The following ZNF124 variants were observed in gnomAD, a reference collection of about 807,000 sequenced individuals.
The protein encoded by ZNF124 is zinc finger protein 124.
In ZNF124, 25 loss-of-function variants were observed where a neutral mutation model predicts 26.6. That is an observed-to-expected ratio of 0.94 (90% CI 0.68 to 1.31). ZNF124 has a LOEUF of 1.31. Among genes scored for constraint, ZNF124 ranks in the 40% most tolerant of loss-of-function variants. The pLI is 0.00. For missense variants in ZNF124, 444 were observed against 422.2 expected, an observed-to-expected ratio of 1.05 and a Z score of -0.45; for synonymous variants, 129 against 133.3, an observed-to-expected ratio of 0.97 and a Z score of 0.22.
downstream of ZNF124, among the ~76,000 whole-genome samples, chr1:247,151,478 C>CAAAAAAA (rs565076160): frequency 4.1e-5 from 3 of 73,696 alleles, no homozygotes; most frequent in Non-Finnish European, 5.8e-5. Context: ...GACTCCGTCT[C>CAAAAAAA]AAAAAAAAAA....
chr1:247,168,617 C>T lies in ZNF124; in HGVS notation c.30+3231G>A, dbSNP rs1287087167. Among the ~76,000 whole-genome samples, 1 of 152,106 alleles carries T rather than the reference C, an allele frequency of 6.6e-6. No homozygotes were observed. Among genetic ancestry groups the T allele is most frequent in the Non-Finnish European group, 1.5e-5 (1 of 68,026 alleles). On this transcript the variant is annotated intron_variant, in intron 1 of 3. Coordinates refer to ENST00000543802, the MANE Select transcript of ZNF124 (RefSeq NM_001297568.2). The surrounding 1 kb of genome is among the most constrained non-coding windows in gnomAD (Gnocchi z 4.0). ...GCCACTGCAAAAATATGAAACAAAC[C>T]TAAAATGCCCATCAACCAATGAGGG... is the stretch of plus-strand genomic sequence containing the variant.
intron 3 of ZNF124, among the ~76,000 whole-genome samples, chr1:247,148,979 A>G (rs553683458): frequency 4.4e-4 from 65 of 148,718 alleles, no homozygotes; most frequent in Admixed American, 1.8e-3. Flanking sequence ...CAAAAAAAAG[A>G]AAAAAAAAAC....
At chr1:247,131,443 G>A (rs924548726) in intron 3 of ZNF124, among the ~76,000 whole-genome samples, 2 of 152,006 alleles carry the variant, frequency 1.3e-5, no homozygotes, top group Admixed American at 6.6e-5. Flanking sequence ...GGGGCAACCA[G>A]CACTGGCCGT....
At chr1:247,152,260 G>A (rs929376622), downstream of ZNF124, among the ~76,000 whole-genome samples, 11 of 150,662 alleles carry the variant, frequency 7.3e-5, no homozygotes, top group Admixed American at 2.6e-4. Flanking sequence ...CTGCGACAGT[G>A]TTTAAAAGTA....
intron 2 of ZNF124, 122 bp downstream of exon 2, chr1:247,159,565 G>T: frequency 1.0e-6 from 1 of 971,522 alleles, no homozygotes; most frequent in Non-Finnish European, 1.5e-6. Context: ...TGCACACTGG[G>T]TCCATGCCTC....
chr1:247,124,878 T>A (rs967571112), intron 3 of ZNF124, among the ~76,000 whole-genome samples: 6 of 152,104 alleles, frequency 3.9e-5, no homozygotes, highest in African/African-American at 1.4e-4. Flanking sequence ...GCTTACTGCA[T>A]CCTCGACCTC....
intron 3 of ZNF124, among the ~76,000 whole-genome samples, chr1:247,147,020 G>C (rs1558379051): frequency 6.6e-6 from 1 of 152,034 alleles, no homozygotes; most frequent in East Asian, 1.9e-4. Context: ...AATTTGGGGG[G>C]AGTTAGTAGG....
At chr1:247,124,717 G>A (rs1672166390) in intron 3 of ZNF124, among the ~76,000 whole-genome samples, 1 of 152,180 alleles carries the variant, frequency 6.6e-6, no homozygotes, top group African/African-American at 2.4e-5. Context: ...AATATGTGGG[G>A]TTTGTGTGTG....
chr1:247,169,830 T>C (rs3845056), intron 1 of ZNF124, among the ~76,000 whole-genome samples: 77,984 of 99,354 alleles, frequency 0.78, 29,740 homozygotes, highest in East Asian at 0.89. Context: ...ATCTAAGTCC[T>C]AGTGGATTAG....
At chr1:247,132,896 C>G (rs903447078) in intron 3 of ZNF124, among the ~76,000 whole-genome samples, 2 of 152,214 alleles carry the variant, frequency 1.3e-5, no homozygotes, top group Non-Finnish European at 2.9e-5. Context: ...GACGGAATTG[C>G]TCACTCAGGG....
chr1:247,168,717 G>A lies in ZNF124; in HGVS notation c.30+3131C>T, dbSNP rs1045018972. Among the ~76,000 whole-genome samples, 4 of 152,170 alleles carry A rather than the reference G, an allele frequency of 2.6e-5. No individual in the cohort carries two copies. The East Asian group carries it at 7.7e-4, about 29-fold the overall frequency. On this transcript the variant is annotated intron_variant, in intron 1 of 3. Transcript: ENST00000543802. This position sits in a 1 kb window ranked among gnomAD's most constrained non-coding sequence, Gnocchi z 4.0. Reference sequence around the variant, plus strand: ...TAATGGGCTTTGCAGCAACTTGGATGGAAATGGAGGCATTATTCTAAGTGA... The same window carrying A: ...TAATGGGCTTTGCAGCAACTTGGATAGAAATGGAGGCATTATTCTAAGTGA...
chr1:247,159,750 G>A lies in ZNF124; in HGVS notation c.94C>T (p.Pro32Ser). 6.2e-7 allele frequency: 1 copy of A among 1,613,680 alleles called. No individual in the cohort carries two copies. The highest frequency in any genetic ancestry group is 8.5e-7 in the Non-Finnish European group (1 of 1,179,868). Reference protein sequence around the residue: ...FTQEEWALLDPSQKNLYRDVM... With the variant: ...FTQEEWALLDSSQKNLYRDVM... ...TCTCTATAGAGATTCTTCTGGGAAG[G>A]ATCCAACAAAGCCCACTCCTCCTGG... Residue 32 changes from proline (P) to serine (S), a missense_variant, in exon 2 of 4, where the codon CCT becomes TCT. Coordinates refer to ENST00000543802, the MANE Select transcript of ZNF124 (RefSeq NM_001297568.2).
At chr1:247,144,295 TCTC>T (rs1396225755) in intron 3 of ZNF124, among the ~76,000 whole-genome samples, 3 of 152,048 alleles carry the variant, frequency 2.0e-5, no homozygotes, top group African/African-American at 7.2e-5. Context: ...CTCCCTACCT[TCTC>T]CTAGACATTT....
At chr1:247,154,395 A>T (rs957892882), downstream of ZNF124, among the ~76,000 whole-genome samples, 2 of 152,140 alleles carry the variant, frequency 1.3e-5, no homozygotes, top group African/African-American at 4.8e-5. Context: ...CCAGGACTGT[A>T]AGTTTCCTGA....
chr1:247,131,809 G>A (rs1374252972), intron 3 of ZNF124, among the ~76,000 whole-genome samples: 1 of 152,200 alleles, frequency 6.6e-6, no homozygotes, highest in Non-Finnish European at 1.5e-5. Context: ...GGGAGGGGTG[G>A]CCGCAGTCTC....
chr1:247,141,598 G>A (rs1421241148), intron 3 of ZNF124, among the ~76,000 whole-genome samples: 2 of 152,124 alleles, frequency 1.3e-5, no homozygotes, highest in African/African-American at 4.8e-5. Flanking sequence ...AATGGCAGAG[G>A]GGCTGTCATA....
intron 1 of ZNF124, among the ~76,000 whole-genome samples, chr1:247,161,171 A>T (rs1042238476): frequency 8.5e-5 from 13 of 152,362 alleles, no homozygotes; most frequent in African/African-American, 3.1e-4. Flanking sequence ...CCTAATACAC[A>T]TCAATGATTT....
Position 247,168,799 on chromosome 1 carries a change from A to C in ZNF124, c.30+3049T>G, listed in dbSNP as rs560360688. On this transcript the variant is annotated intron_variant, in intron 1 of 3. Coordinates refer to ENST00000543802, the MANE Select transcript of ZNF124 (RefSeq NM_001297568.2). This position sits in a 1 kb window ranked among gnomAD's most constrained non-coding sequence, Gnocchi z 4.0. ...ATGTTCTCACTTATAAGTGGGAGCT[A>C]AGCTATGAGGTTACAAAGGCATAAG... Among the ~76,000 whole-genome samples, 2 of 152,242 alleles carry C rather than the reference A, an allele frequency of 1.3e-5. No individual in the cohort carries two copies. Among genetic ancestry groups the C allele is most frequent in the African/African-American group, 4.8e-5 (2 of 41,560 alleles).
rs781178176 is a variant in ZNF124 at position 247,156,856 on chromosome 1, G to A, written c.766C>T (p.His256Tyr). The A allele has an allele frequency of 5.1e-5, 82 of 1,614,050 alleles. 1 individual carries two copies. In the South Asian group the frequency reaches 8.2e-4, roughly 16 times the overall value. Reference sequence around the variant, plus strand: ...CATGGATAGGGTTCTTCACCAGCATGAGCCTTTATATGTCCTTGCAAGGAA... The same window carrying A: ...CATGGATAGGGTTCTTCACCAGCATAAGCCTTTATATGTCCTTGCAAGGAA... ...LSSLQGHIKA[H>Y]AGEEPYPCKQ... The change falls in exon 4 of 4, where the codon CAT becomes TAT. Residue 256 changes from histidine (H) to tyrosine (Y), a missense_variant. Coordinates refer to ENST00000543802, the MANE Select transcript of ZNF124 (RefSeq NM_001297568.2).
Sources: allele counts gnomAD v4.1 joint callset (sites outside exome capture counted in the v4.1 genomes callset), GRCh38; gene constraint gnomAD v4.1.1; non-coding constraint Gnocchi (gnomAD v3.1); transcripts MANE v1.5; gene names NCBI Gene and HGNC (gene_info 2026-07-23, HGNC 2026-07-21).